The following MSRA variants were observed in gnomAD, a reference collection of about 807,000 sequenced individuals.
The protein encoded by MSRA is methionine sulfoxide reductase A, also known as mitochondrial peptide methionine sulfoxide reductase.
In MSRA, 54 loss-of-function variants were observed where a neutral mutation model predicts 31.3. The observed-to-expected ratio is 1.73, with a 90% CI of 1.39 to 2.17. MSRA has a LOEUF of 2.17. MSRA is among the 30% of genes most tolerant of loss of function. The probability of loss-of-function intolerance (pLI) is 0.00; values close to 1 mark genes in which losing one functional copy is unlikely to be tolerated. For missense variants in MSRA, 507 were observed against 300.9 expected, an observed-to-expected ratio of 1.69 and a Z score of -5.07; for synonymous variants, 169 against 116.5, an observed-to-expected ratio of 1.45 and a Z score of -2.90.
intron 1 of MSRA, among the ~76,000 whole-genome samples, chr8:10,179,553 TC>T (rs1351952409): frequency 3.4e-4 from 52 of 152,368 alleles, no homozygotes; most frequent in Non-Finnish European, 1.9e-4. Context: ...GGATGCTTTC[TC>T]CCTAATGTCT....
Position 10,306,427 on chromosome 8 carries a change from G to A in MSRA, c.436+4789G>A, listed in dbSNP as rs188638185. Among the ~76,000 whole-genome samples the A allele has an allele frequency of 5.9e-5, 9 of 152,170 alleles. No homozygotes were observed. In the East Asian group the frequency reaches 1.7e-3, roughly 29 times the overall value. On this transcript the variant is annotated intron_variant, in intron 4 of 5. Coordinates refer to ENST00000317173, the MANE Select transcript of MSRA (RefSeq NM_012331.5). ...TAATTTTACATTTATTCTTACATCT[G>A]TGTTGCCCTTGATTCTTTGTCTGGG...
intron 2 of MSRA, among the ~76,000 whole-genome samples, chr8:10,227,452 G>T (rs772813734): frequency 6.6e-6 from 1 of 152,168 alleles, no homozygotes; most frequent in Non-Finnish European, 1.5e-5. Context: ...TAATATGAAA[G>T]GGGTTATGAA....
At chr8:10,400,328 G>C (rs1807375218) in intron 5 of MSRA, among the ~76,000 whole-genome samples, 1 of 151,364 alleles carries the variant, frequency 6.6e-6, no homozygotes, top group Non-Finnish European at 1.5e-5. Context: ...GAGAAGGTCA[G>C]GAGGACTCCA....
chr8:10,365,705 G>C (rs941296485), intron 5 of MSRA, among the ~76,000 whole-genome samples: 1 of 152,230 alleles, frequency 6.6e-6, no homozygotes, highest in Non-Finnish European at 1.5e-5. Flanking sequence ...TCAGGGAGAA[G>C]GGATCACCTC....
At chr8:10,081,356 C>A (rs567354484) in intron 1 of MSRA, among the ~76,000 whole-genome samples, 1 of 152,188 alleles carries the variant, frequency 6.6e-6, no homozygotes, top group South Asian at 2.1e-4. Context: ...ACCATGGGAA[C>A]GTGAAGCTAT....
At chr8:10,215,703 G>A (rs1809929310) in intron 2 of MSRA, among the ~76,000 whole-genome samples, 1 of 152,168 alleles carries the variant, frequency 6.6e-6, no homozygotes, top group Admixed American at 6.5e-5. Flanking sequence ...AAGTGAGACT[G>A]GTTGTTTGCT....
chr8:10,395,027 C>A (rs1246853830), intron 5 of MSRA, among the ~76,000 whole-genome samples: 1 of 152,222 alleles, frequency 6.6e-6, no homozygotes, highest in Admixed American at 6.5e-5. Flanking sequence ...AGTCCCTGTC[C>A]TCTAGTTGGC....
intron 5 of MSRA, among the ~76,000 whole-genome samples, chr8:10,416,123 G>T (rs919721841): frequency 6.6e-6 from 1 of 152,078 alleles, no homozygotes; most frequent in African/African-American, 2.4e-5. Flanking sequence ...ACCTGCTCAC[G>T]CTGGGCACTG....
intron 1 of MSRA, among the ~76,000 whole-genome samples, chr8:10,147,858 A>C (rs1171738528): frequency 2.0e-5 from 3 of 152,016 alleles, no homozygotes; most frequent in Non-Finnish European, 4.4e-5. Flanking sequence ...CCGCCCTTCG[A>C]CTCTGAGCAG....
At chr8:10,067,536 T>C (rs1797519967) in intron 1 of MSRA, among the ~76,000 whole-genome samples, 1 of 152,198 alleles carries the variant, frequency 6.6e-6, no homozygotes, top group Non-Finnish European at 1.5e-5. Context: ...TTCAACTCAT[T>C]TGGGTAAATG....
intron 5 of MSRA, among the ~76,000 whole-genome samples, chr8:10,423,057 G>A (rs968345826): frequency 4.6e-5 from 7 of 152,178 alleles, no homozygotes; most frequent in African/African-American, 1.7e-4. Context: ...CTTATTGGAA[G>A]GCGCCTAAAG....
At chr8:10,120,717 A>G (rs537776078) in intron 1 of MSRA, among the ~76,000 whole-genome samples, 2 of 152,296 alleles carry the variant, frequency 1.3e-5, no homozygotes, top group Admixed American at 1.3e-4. Flanking sequence ...AAGCCTGGTG[A>G]ATCTAATGGA....
chr8:10,171,368 CTTT>C (rs5889322), intron 1 of MSRA, among the ~76,000 whole-genome samples: 23 of 143,274 alleles, frequency 1.6e-4, no homozygotes, highest in African/African-American at 3.6e-4. Context: ...TTAAACTGTA[CTTT>C]TTTTTTTTTT....
rs745314106 is a variant in MSRA at position 10,428,150 on chromosome 8, T to G, written c.546T>G (p.Val182=). The G allele has an allele frequency of 6.2e-7, 1 of 1,611,846 alleles. No homozygotes were observed. Among genetic ancestry groups the G allele is most frequent in the Admixed American group, 1.7e-5 (1 of 59,306 alleles). The change falls in exon 6 of 6, where the codon GTT becomes GTG. Residue 182 remains valine (V), a splice_region_variant and synonymous_variant. Transcript: ENST00000317173. ...GGCGCCTTTCTGTGTCCCCACAGGT[T>G]CTTTCAGAGCACGGCTTCGGCCCCA... ...ALSSKENYQK[V]LSEHGFGPIT...
intron 1 of MSRA, among the ~76,000 whole-genome samples, chr8:10,173,755 C>G (rs558589778): frequency 6.6e-6 from 1 of 152,328 alleles, no homozygotes; most frequent in Admixed American, 6.5e-5. Context: ...TCTTGTCACT[C>G]TTTTGGTTTC....
intron 1 of MSRA, among the ~76,000 whole-genome samples, chr8:10,071,658 T>C (rs1797737687): frequency 6.6e-6 from 1 of 152,170 alleles, no homozygotes; most frequent in Non-Finnish European, 1.5e-5. Context: ...TATATTTAAG[T>C]CTGTGATCCA....
intron 1 of MSRA, among the ~76,000 whole-genome samples, chr8:10,146,787 C>T (rs565404532): frequency 6.6e-6 from 1 of 152,228 alleles, no homozygotes; most frequent in South Asian, 2.1e-4. Context: ...CTTAGGAGCC[C>T]TGGGCTGGAG....
chr8:10,123,017 G>C (rs780550933), intron 1 of MSRA, among the ~76,000 whole-genome samples: 1 of 152,186 alleles, frequency 6.6e-6, no homozygotes, highest in Non-Finnish European at 1.5e-5. Context: ...CTATATAGGA[G>C]AATGATTTAT....
chr8:10,078,462 C>G (rs1213674817), intron 1 of MSRA, among the ~76,000 whole-genome samples: 1 of 152,262 alleles, frequency 6.6e-6, no homozygotes, highest in Non-Finnish European at 1.5e-5. Flanking sequence ...TGGTGCTGGA[C>G]TGGCCACTGG....
Sources: gnomAD v4.1 joint callset for allele counts (sites outside exome capture counted in the v4.1 genomes callset) on GRCh38, gnomAD v4.1.1 for gene constraint, MANE v1.5 for transcripts, NCBI Gene and HGNC (gene_info 2026-07-23, HGNC 2026-07-21) for gene names.